The following HACD3 variants were observed in gnomAD, a reference collection of about 807,000 sequenced individuals.
HACD3 encodes the protein very-long-chain (3R)-3-hydroxyacyl-CoA dehydratase 3.
A neutral mutation model predicts 55.2 loss-of-function variants in HACD3; 30 were observed. That is an observed-to-expected ratio of 0.54 (90% CI 0.41 to 0.74). The LOEUF (loss-of-function observed/expected upper bound fraction) is 0.74, where lower values mean the gene tolerates loss of function less well. HACD3 is among the 30% of genes least tolerant of loss of function. HACD3 has a pLI of 0.00. For missense variants in HACD3, 363 were observed against 440.1 expected (o/e 0.82, Z 1.57); for synonymous variants, 141 against 151.7 (o/e 0.93, Z 0.52).
rs527991408 is a variant in HACD3 at position 65,542,976 on chromosome 15, A to T, written c.88-8700A>T. On this transcript the variant is annotated intron_variant, in intron 1 of 10. Transcript: ENST00000261875. The stretch of plus-strand genomic sequence containing the variant: ...GTAATCCCAGCTACTCAGGAGGCTG[A>T]GGCAGGAGAATCGCTTGAACCCAGG... Among the ~76,000 whole-genome samples, 35 of 151,538 alleles carry T rather than the reference A, an allele frequency of 2.3e-4. No homozygotes were observed. In the South Asian group the frequency reaches 6.7e-3, roughly 29 times the overall value.
Position 65,530,657 on chromosome 15 carries a change from A to G in HACD3, c.26A>G (p.His9Arg). 1 of 1,582,260 alleles carries G rather than the reference A, an allele frequency of 6.3e-7. No individual in the cohort carries two copies. Among genetic ancestry groups the G allele is most frequent in the East Asian group, 2.3e-5 (1 of 42,904 alleles). MENQVLTP[H>R]VYWAQRHREL... ...ATGGAGAATCAGGTGTTGACGCCGC[A>G]TGTCTACTGGGCTCAGCGACACCGC... The change falls in exon 1 of 11, where the codon CAT (histidine) becomes CGT (arginine). Residue 9 changes from histidine to arginine, a missense_variant. Coordinates refer to ENST00000261875, the MANE Select transcript of HACD3 (RefSeq NM_016395.4).
intron 4 of HACD3, among the ~76,000 whole-genome samples, chr15:65,557,819 T>G (rs1462376582): frequency 1.3e-5 from 2 of 152,250 alleles, no homozygotes; most frequent in African/African-American, 4.8e-5. Context: ...TAATATTATT[T>G]ATTTTGTTGC....
intron 7 of HACD3, among the ~76,000 whole-genome samples, chr15:65,567,140 T>TA: frequency 6.6e-6 from 1 of 152,164 alleles, no homozygotes; most frequent in East Asian, 1.9e-4. Context: ...CTTGGCAGCA[T>TA]AGTGAGACCC....
chr15:65,556,223 A>C (rs1478216718), intron 3 of HACD3, among the ~76,000 whole-genome samples: 1 of 152,228 alleles, frequency 6.6e-6, no homozygotes, highest in African/African-American at 2.4e-5. Context: ...TATATAATGA[A>C]TACAACTCAC....
At chr15:65,532,731 C>A (rs2071914960) in intron 1 of HACD3, among the ~76,000 whole-genome samples, 2 of 151,446 alleles carry the variant, frequency 1.3e-5, no homozygotes, top group Admixed American at 1.3e-4. Flanking sequence ...GGTTTCACAT[C>A]TGTAGTTTTG....
chr15:65,542,842 G>T (rs1020746432), intron 1 of HACD3, among the ~76,000 whole-genome samples: 6 of 152,202 alleles, frequency 3.9e-5, no homozygotes, highest in Non-Finnish European at 8.8e-5. Context: ...TTGGGAGGCT[G>T]AGGCGGGCAG....
chr15:65,541,758 G>A (rs1474288597), intron 1 of HACD3, among the ~76,000 whole-genome samples: 1 of 152,144 alleles, frequency 6.6e-6, no homozygotes, highest in Non-Finnish European at 1.5e-5. Context: ...GTCCCCAAAA[G>A]GGGGAATTAG....
At chr15:65,565,983 G>A (rs750142821) in intron 7 of HACD3, 1 of 152,190 alleles carries the variant, frequency 6.6e-6, no homozygotes, top group South Asian at 2.1e-4. Context: ...TCTCTCTCAA[G>A]TTCAGAGTTC....
At chr15:65,574,591 T>G (rs186836065) in intron 10 of HACD3, 1 of 152,226 alleles carries the variant, frequency 6.6e-6, no homozygotes, top group East Asian at 1.9e-4. Context: ...TCTTGGTCAT[T>G]TAGTGTTGCG....
At chr15:65,556,439 G>C (rs2072190294) in intron 3 of HACD3, among the ~76,000 whole-genome samples, 2 of 146,256 alleles carry the variant, frequency 1.4e-5, no homozygotes, top group Admixed American at 1.4e-4. Flanking sequence ...AGGAGGCAGG[G>C]CTTAGGCAGT....
In HACD3 at chr15:65,571,563, G is replaced by A; in HGVS notation, c.789G>A (p.Met263Ile). 1 of 1,613,258 alleles carries A rather than the reference G, an allele frequency of 6.2e-7. No individual in the cohort carries two copies. The highest frequency in any genetic ancestry group is 8.5e-7 in the Non-Finnish European group (1 of 1,179,242). The change falls in exon 9 of 11, where the codon ATG (methionine) becomes ATA (isoleucine). Residue 263 changes from methionine to isoleucine, a missense_variant. Transcript: ENST00000261875. ...TTTTCAATAGGTACTCTTTCTACAT[G>A]CTGACGTGCATTGACATGGATTGGA... is the stretch of plus-strand genomic sequence containing the variant. ...AIEIFRYSFY[M>I]LTCIDMDWKV...
chr15:65,560,047 G>T (rs942978206), intron 5 of HACD3, among the ~76,000 whole-genome samples: 417 of 142,068 alleles, frequency 2.9e-3, no homozygotes, highest in Non-Finnish European at 5.2e-3. Context: ...AGGCTGTGTT[G>T]TTTTTTTTTT....
In HACD3 at chr15:65,576,419, ATCTGAT is replaced by A; in HGVS notation, c.*44_*49del. ...ATGGCTTCTTGCCAGTTTGAGCCTA[ATCTGAT>A]TCTTACAGTTTTACCTTCTTGAACC... On this transcript the variant is annotated 3_prime_UTR_variant, in exon 11 of 11. Coordinates refer to ENST00000261875, the MANE Select transcript of HACD3 (RefSeq NM_016395.4). The A allele has an allele frequency of 6.5e-7, 1 of 1,539,020 alleles. No homozygotes were observed. Among genetic ancestry groups the A allele is most frequent in the Non-Finnish European group, 8.7e-7 (1 of 1,143,556 alleles).
Position 65,571,546 on chromosome 15 carries a change from AG to A in HACD3, c.774del. The A allele has an allele frequency of 6.2e-7, 1 of 1,609,010 alleles. No homozygotes were observed. The highest frequency in any genetic ancestry group is 1.1e-5 in the South Asian group (1 of 90,870). On this transcript the variant is annotated splice_acceptor_variant, in intron 8 of 10. Transcript: ENST00000261875. LOFTEE classifies it high-confidence loss of function. ...CACATTGGAATCATTTATTTTCAAT[AG>A]GTACTCTTTCTACATGCTGACGTGC...
chr15:65,576,054 A>G (rs2072397707), intron 10 of HACD3, among the ~76,000 whole-genome samples: 1 of 152,250 alleles, frequency 6.6e-6, no homozygotes, highest in African/African-American at 2.4e-5. Flanking sequence ...AGATTGTGCC[A>G]CTGCACTCCA....
intron 7 of HACD3, among the ~76,000 whole-genome samples, chr15:65,569,840 T>A (rs1415821165): frequency 6.6e-6 from 1 of 152,256 alleles, no homozygotes; most frequent in Non-Finnish European, 1.5e-5. Context: ...TTCTTTAGAC[T>A]GCGTTTGAAC....
At chr15:65,556,060 G>A (rs1206540737) in intron 3 of HACD3, among the ~76,000 whole-genome samples, 6 of 152,134 alleles carry the variant, frequency 3.9e-5, no homozygotes, top group Non-Finnish European at 7.4e-5. Flanking sequence ...AGTTCTCCAT[G>A]CCAGCCGTTG....
chr15:65,562,123 G>A (rs902667106), intron 5 of HACD3, among the ~76,000 whole-genome samples: 13 of 152,174 alleles, frequency 8.5e-5, no homozygotes, highest in African/African-American at 2.7e-4. Context: ...AGACTTCATC[G>A]GATAGGCATG....
At chr15:65,542,563 T>G (rs1447292399) in intron 1 of HACD3, among the ~76,000 whole-genome samples, 1 of 152,004 alleles carries the variant, frequency 6.6e-6, no homozygotes, top group Non-Finnish European at 1.5e-5. Flanking sequence ...TGTGCCTGGA[T>G]GAAAATAAGA....
Sources: gnomAD v4.1 joint callset for allele counts (sites outside exome capture counted in the v4.1 genomes callset) on GRCh38, gnomAD v4.1.1 for gene constraint, MANE v1.5 for transcripts, NCBI Gene and HGNC (gene_info 2026-07-23, HGNC 2026-07-21) for gene names.